The following MRNIP variants were observed in gnomAD, a reference collection of about 807,000 sequenced individuals.
The protein encoded by MRNIP is MRN complex interacting protein.
In MRNIP, 30 loss-of-function variants were observed where a neutral mutation model predicts 29.8. The ratio of observed to expected loss-of-function variants is 1.01; its 90% CI spans 0.75 to 1.36. The LOEUF is 1.36. Among genes scored for constraint, MRNIP ranks in the 40% most tolerant of loss-of-function variants. MRNIP has a pLI of 0.00. For synonymous variants in MRNIP, 201 were observed against 164.1 expected (o/e 1.23, Z -1.72); for missense variants, 459 against 423.5 (o/e 1.08, Z -0.74).
rs191658983 is a variant in MRNIP at position 179,853,686 on chromosome 5, C to T, written c.67-249G>A. 7.0e-3 allele frequency among the ~76,000 whole-genome samples: 1,068 copies of T among 152,020 alleles called. 15 individuals carry two copies. The highest frequency in any genetic ancestry group is 0.025 in the African/African-American group (1,042 of 41,460). ...ACTCAGGAGGCTGAGACAGGAGAAT[C>T]GCTTAAACCTGGGAGGTGGAGGTTG... On this transcript the variant is annotated intron_variant, in intron 1 of 6. Transcript: ENST00000292586.
Position 179,837,439 on chromosome 5 carries a change from T to G in MRNIP, c.984A>C (p.Arg328=), listed in dbSNP as rs1438765226. 3.7e-6 allele frequency: 6 copies of G among 1,609,398 alleles called. No homozygotes were observed. In the African/African-American group the frequency reaches 8.0e-5, roughly 22 times the overall value. Residue 328 remains arginine (R), a synonymous_variant, in exon 7 of 7, where the codon CGA becomes CGC. Transcript: ENST00000292586. ...CCCCAGTTATAAAGAGGTCACATAG[T>G]CGTGTGGGTCGAGGATTCTGTGCCT... ...VLEAQNPRPT[R]LCDLFITGED...
intron 1 of MRNIP, 66 bp downstream of exon 1, chr5:179,858,665 G>T: frequency 9.2e-7 from 1 of 1,082,802 alleles, no homozygotes; most frequent in Non-Finnish European, 1.3e-6. Context: ...AACACCCACA[G>T]CCCCGCCACT....
intron 3 of MRNIP, 43 bp downstream of exon 3, chr5:179,847,935 G>T (rs189776628): frequency 1.1e-5 from 15 of 1,378,410 alleles, no homozygotes; most frequent in Non-Finnish European, 1.4e-5. Flanking sequence ...CAGTCAAGAC[G>T]AAAACAGGGC....
chr5:179,838,960 A>G (rs562400709), intron 6 of MRNIP: 24 of 151,350 alleles, frequency 1.6e-4, no homozygotes, highest in African/African-American at 5.8e-4. Context: ...CCCCATCTCA[A>G]AAACAAAAGG....
At chr5:179,851,868 C>T (rs777717176) in intron 2 of MRNIP, among the ~76,000 whole-genome samples, 16 of 151,944 alleles carry the variant, frequency 1.1e-4, no homozygotes, top group Non-Finnish European at 1.6e-4. Context: ...GTCCCAGCTA[C>T]TCAGGAGGCT....
At chr5:179,848,112 T>A (rs1315915486) in intron 2 of MRNIP, 46 bp from the exon 3 acceptor site, 1 of 1,451,732 alleles carries the variant, frequency 6.9e-7, no homozygotes, top group Admixed American at 1.7e-5. Context: ...GCTGGCAGAA[T>A]GCTGAGAAAC....
intron 3 of MRNIP, 71 bp downstream of exon 3, chr5:179,847,907 C>T: frequency 9.7e-7 from 1 of 1,035,488 alleles, no homozygotes; most frequent in Non-Finnish European, 1.5e-6. Context: ...AGGATTTCCA[C>T]TGTGTACTTC....
intron 2 of MRNIP, chr5:179,851,035 C>T (rs1759346195): frequency 2.8e-6 from 1 of 361,050 alleles, no homozygotes; most frequent in Admixed American, 3.5e-5. Flanking sequence ...TATCATCTTC[C>T]CAGGACTGTT....
In MRNIP at chr5:179,840,557, G is replaced by A. The variant is rs1308153331; in HGVS notation, c.537+315C>T. On this transcript the variant is annotated intron_variant, in intron 6 of 6. Transcript: ENST00000292586. ...GACTCCTGCCCGGACAAAGGTCCCCGTGCTCCACGCAGAATGAGACGATGG... is the reference window on the plus strand; with the variant it reads ...GACTCCTGCCCGGACAAAGGTCCCCATGCTCCACGCAGAATGAGACGATGG... 5 of 497,536 alleles carry A rather than the reference G, an allele frequency of 1.0e-5. No homozygotes were observed. The South Asian group carries it at 1.2e-4, about 12-fold the overall frequency. The allele number at this position is 497,536 out of a possible 1,614,324, so 30.8% of individuals were successfully genotyped here.
At chr5:179,839,536 C>T (rs1582037340) in intron 6 of MRNIP, 1 of 152,268 alleles carries the variant, frequency 6.6e-6, no homozygotes, top group South Asian at 2.1e-4. Context: ...GTGGCAGACT[C>T]TCTGGTCATT....
intron 3 of MRNIP, among the ~76,000 whole-genome samples, chr5:179,844,612 G>C (rs1759054118): frequency 1.3e-5 from 2 of 151,922 alleles, no homozygotes; most frequent in Admixed American, 1.3e-4. Context: ...TTTTATTGTA[G>C]AGACGGTTTT....
chr5:179,837,450 G>C lies in MRNIP; in HGVS notation c.973C>G (p.Arg325Gly), dbSNP rs763677235. Reference protein sequence around the residue: ...GPLVLEAQNPRPTRLCDLFIT... With the variant: ...GPLVLEAQNPGPTRLCDLFIT... ...AAGAGGTCACATAGTCGTGTGGGTC[G>C]AGGATTCTGTGCCTCCAGGACCAGG... Residue 325 changes from arginine (R) to glycine (G), a missense_variant, in exon 7 of 7, where the codon CGA (arginine) becomes GGA (glycine). By Grantham distance (125) the Arg-to-Gly change is moderately radical (BLOSUM62 -2). Coordinates refer to ENST00000292586, the MANE Select transcript of MRNIP (RefSeq NM_016175.4). 1.9e-6 allele frequency: 3 copies of C among 1,611,204 alleles called. No individual in the cohort carries two copies. The highest frequency in any genetic ancestry group is 2.5e-6 in the Non-Finnish European group (3 of 1,178,402).
Position 179,853,377 on chromosome 5 carries a change from C to A in MRNIP, c.126+1G>T. On this transcript the variant is annotated splice_donor_variant, in intron 2 of 6. Transcript: ENST00000292586. LOFTEE classifies it high-confidence loss of function. ...CTTGCTTTCTGTTTTGTAGGACTCA[C>A]CTGCAAAAAGGACTGCTTCTCTCCA... 6.2e-7 allele frequency: 1 copy of A among 1,613,088 alleles called. No homozygotes were observed. The highest frequency in any genetic ancestry group is 8.5e-7 in the Non-Finnish European group (1 of 1,179,574).
chr5:179,847,950 C>T (rs751454080), intron 3 of MRNIP, 28 bp downstream of exon 3: 1 of 1,496,552 alleles, frequency 6.7e-7, no homozygotes, highest in South Asian at 1.1e-5. Context: ...CAGGGCAAGA[C>T]AACCACGCTC....
chr5:179,842,651 G>C (rs866273), intron 4 of MRNIP, among the ~76,000 whole-genome samples: 2 of 133,206 alleles, frequency 1.5e-5, no homozygotes, highest in South Asian at 4.9e-4. Flanking sequence ...AGTGAGCCGA[G>C]ATGGTGCCAT....
At chr5:179,843,781 C>G (rs1404713022) in intron 4 of MRNIP, among the ~76,000 whole-genome samples, 1 of 152,064 alleles carries the variant, frequency 6.6e-6, no homozygotes, top group Non-Finnish European at 1.5e-5. Flanking sequence ...AGCTTGCAGT[C>G]TGGAACAAGG....
intron 1 of MRNIP, among the ~76,000 whole-genome samples, chr5:179,857,433 C>T (rs1759638645): frequency 6.6e-6 from 1 of 151,908 alleles, no homozygotes; most frequent in Admixed American, 6.6e-5. Flanking sequence ...TGCACTCCAG[C>T]CTGGCGACAG....
chr5:179,853,396 C>T lies in MRNIP; in HGVS notation c.108G>A (p.Glu36=). The T allele has an allele frequency of 6.2e-7, 1 of 1,613,288 alleles. No individual in the cohort carries two copies. Among genetic ancestry groups the T allele is most frequent in the Non-Finnish European group, 8.5e-7 (1 of 1,179,794 alleles). The change falls in exon 2 of 7, where the codon GAG becomes GAA. Residue 36 remains glutamate, a synonymous_variant. Coordinates refer to ENST00000292586, the MANE Select transcript of MRNIP (RefSeq NM_016175.4). ...GACTCACCTGCAAAAAGGACTGCTTCTCTCCACAAGCTTTGCATGTCCACT... is the reference window on the plus strand; with the variant it reads ...GACTCACCTGCAAAAAGGACTGCTTTTCTCCACAAGCTTTGCATGTCCACT... ...SVKWTCKACG[E]KQSFLQAYGE...
At position 179,853,383 on chromosome 5, in the gene MRNIP, A is replaced by G. The variant is rs756608240; in HGVS notation, c.121T>C (p.Leu41=). ...TTCTGTTTTGTAGGACTCACCTGCAAAAAGGACTGCTTCTCTCCACAAGCT... is the reference window on the plus strand; with the variant it reads ...TTCTGTTTTGTAGGACTCACCTGCAGAAAGGACTGCTTCTCTCCACAAGCT... ...CKACGEKQSF[L]QAYGEGSGAD... The change falls in exon 2 of 7, where the codon TTG becomes CTG. Residue 41 remains leucine (L), a synonymous_variant. Coordinates refer to ENST00000292586, the MANE Select transcript of MRNIP (RefSeq NM_016175.4). 3 of 1,613,310 alleles carry G rather than the reference A, an allele frequency of 1.9e-6. No homozygotes were observed. In the South Asian group the frequency reaches 3.3e-5, roughly 18 times the overall value.
Sources: gnomAD v4.1 joint callset for allele counts (sites outside exome capture counted in the v4.1 genomes callset) on GRCh38, gnomAD v4.1.1 for gene constraint, MANE v1.5 for transcripts, NCBI Gene and HGNC (gene_info 2026-07-23, HGNC 2026-07-21) for gene names.